Variants in CAMTA1 observed in about 807,000 individuals in gnomAD.
CAMTA1 encodes calmodulin binding transcription activator 1.
A neutral mutation model predicts 170.9 loss-of-function variants in CAMTA1; 27 were observed. The ratio of observed to expected loss-of-function variants is 0.16; its 90% CI spans 0.12 to 0.22. The LOEUF (loss-of-function observed/expected upper bound fraction) is 0.22, where lower values mean the gene tolerates loss of function less well. CAMTA1 is among the 10% of genes least tolerant of loss of function. The probability of loss-of-function intolerance (pLI) is 1.00; values close to 1 mark genes in which losing one functional copy is unlikely to be tolerated. For synonymous variants in CAMTA1, 833 were observed against 891.5 expected (o/e 0.93, Z 1.17); for missense variants, 1,619 against 2,217.2 (o/e 0.73, Z 5.42).
At chr1:7,011,546 C>G (rs1699799285) in intron 3 of CAMTA1, among the ~76,000 whole-genome samples, 1 of 152,156 alleles carries the variant, frequency 6.6e-6, no homozygotes, top group Non-Finnish European at 1.5e-5. Context: ...GGGGGGCCCT[C>G]TCCTCATTCC....
At position 7,455,532 on chromosome 1, in the gene CAMTA1, C is replaced by T. The variant is rs182820930; in HGVS notation, c.439-12298C>T. 5.2e-4 allele frequency among the ~76,000 whole-genome samples: 79 copies of T among 152,340 alleles called. No individual in the cohort carries two copies. The highest frequency in any genetic ancestry group is 1.5e-3 in the African/African-American group (63 of 41,594). On this transcript the variant is annotated intron_variant, in intron 5 of 22. Transcript: ENST00000303635. This position sits in a 1 kb window ranked among gnomAD's most constrained non-coding sequence, Gnocchi z 5.0. ...GCATTAACATAGCCACAGACCGGCC[C>T]GGCGTTTCCCTCCACCTGCTTCATA... is the stretch of plus-strand genomic sequence containing the variant.
chr1:7,425,139 T>C (rs1463053984), intron 5 of CAMTA1, among the ~76,000 whole-genome samples: 1 of 152,168 alleles, frequency 6.6e-6, no homozygotes, highest in African/African-American at 2.4e-5. Flanking sequence ...CTCACTATTC[T>C]CACGTTTGTA....
chr1:7,440,527 A>G (rs890704361), intron 5 of CAMTA1, among the ~76,000 whole-genome samples: 1 of 152,248 alleles, frequency 6.6e-6, no homozygotes, highest in African/African-American at 2.4e-5. Context: ...TCGGTTTCCA[A>G]AATTAGTCTT....
intron 5 of CAMTA1, among the ~76,000 whole-genome samples, chr1:7,366,742 G>A (rs566925729): frequency 1.2e-4 from 18 of 152,224 alleles, no homozygotes; most frequent in East Asian, 5.8e-4. Context: ...GGGCACTGGC[G>A]CCAGCCTTGT....
At position 7,144,445 on chromosome 1, in the gene CAMTA1, C is replaced by G. The variant is rs1373096153; in HGVS notation, c.302+53074C>G. 6.6e-6 allele frequency among the ~76,000 whole-genome samples: 1 copy of G among 152,146 alleles called. No homozygotes were observed. Among genetic ancestry groups the G allele is most frequent in the Non-Finnish European group, 1.5e-5 (1 of 68,030 alleles). ...TCTCCACACAGTCACACTGAGGCCA[C>G]TGAGGGTAAGGGCCTGAACATATGA... On this transcript the variant is annotated intron_variant, in intron 4 of 22. Transcript: ENST00000303635. This position sits in a 1 kb window ranked among gnomAD's most constrained non-coding sequence, Gnocchi z 4.0.
rs529788620 is a variant in CAMTA1, at chr1:7,093,500, A to G, written c.302+2129A>G. 1.4e-4 allele frequency among the ~76,000 whole-genome samples: 21 copies of G among 152,284 alleles called. No individual in the cohort carries two copies. The East Asian group carries it at 4.1e-3, about 29-fold the overall frequency. On this transcript the variant is annotated intron_variant, in intron 4 of 22. Transcript: ENST00000303635. This position sits in a 1 kb window ranked among gnomAD's most constrained non-coding sequence, Gnocchi z 4.6. Reference sequence around the variant, plus strand: ...GAGAAGAGCTCCTCCTTAGCCAGAGAGGGAGCTTCTCTGGAATGCGTCCTG... The same window carrying G: ...GAGAAGAGCTCCTCCTTAGCCAGAGGGGGAGCTTCTCTGGAATGCGTCCTG...
rs143086898 is a variant in CAMTA1, at chr1:7,514,737, T to C, written c.510+46836T>C. On this transcript the variant is annotated intron_variant, in intron 6 of 22. Transcript: ENST00000303635. ...AGACAGTGGGAAGAGAGGAATCCTC[T>C]TCCCACTGGGCAGCCTGGTCCTGGT... Among the ~76,000 whole-genome samples the C allele has an allele frequency of 4.6e-3, 695 of 152,230 alleles. 9 individuals are homozygous for C. The highest frequency in any genetic ancestry group is 0.016 in the African/African-American group (653 of 41,538).
intron 3 of CAMTA1, among the ~76,000 whole-genome samples, chr1:6,883,056 G>A (rs1313800124): frequency 6.6e-6 from 1 of 152,056 alleles, no homozygotes; most frequent in African/African-American, 2.4e-5. Flanking sequence ...ACCATGCCTG[G>A]CCAATTTTTT....
At chr1:7,130,977 C>T (rs1573315367) in intron 4 of CAMTA1, among the ~76,000 whole-genome samples, 2 of 148,686 alleles carry the variant, frequency 1.3e-5, no homozygotes, top group South Asian at 2.1e-4. Flanking sequence ...TTTTTTGAGA[C>T]GGATTCTTAC....
intron 11 of CAMTA1, among the ~76,000 whole-genome samples, chr1:7,721,621 A>C (rs1313764651): frequency 6.6e-6 from 1 of 152,186 alleles, no homozygotes; most frequent in Non-Finnish European, 1.5e-5. Flanking sequence ...AGAACCCTAG[A>C]AACGTAGCCT....
At chr1:7,661,082 G>A (rs1470761144) in intron 7 of CAMTA1, among the ~76,000 whole-genome samples, 3 of 152,238 alleles carry the variant, frequency 2.0e-5, no homozygotes, top group African/African-American at 4.8e-5. Flanking sequence ...TCAGATGGCT[G>A]CCATCAGTCA....
At position 7,218,256 on chromosome 1, in the gene CAMTA1, A is replaced by C. The variant is rs543811681; in HGVS notation, c.303-31235A>C. On this transcript the variant is annotated intron_variant, in intron 4 of 22. Transcript: ENST00000303635. Reference sequence around the variant, plus strand: ...AATGCATCGTTGAGGTTTTTAATTCAGTTTGTAGTGTTATGACACAGTTCC... The same window carrying C: ...AATGCATCGTTGAGGTTTTTAATTCCGTTTGTAGTGTTATGACACAGTTCC... Among the ~76,000 whole-genome samples, 10 of 152,210 alleles carry C rather than the reference A, an allele frequency of 6.6e-5. 1 individual carries two copies. The East Asian group carries it at 1.5e-3, about 23-fold the overall frequency.
chr1:7,573,805 G>T (rs1254935157), intron 6 of CAMTA1, among the ~76,000 whole-genome samples: 2 of 152,072 alleles, frequency 1.3e-5, no homozygotes, highest in Non-Finnish European at 1.5e-5. Context: ...ACAGAGTCTC[G>T]CTCTGTTGCC....
intron 6 of CAMTA1, among the ~76,000 whole-genome samples, chr1:7,528,070 C>T (rs1216932216): frequency 6.6e-6 from 1 of 152,206 alleles, no homozygotes; most frequent in Non-Finnish European, 1.5e-5. Flanking sequence ...TCCCACAGCC[C>T]AGACAAAGGT....
At chr1:6,857,983 T>C (rs1175841019) in intron 3 of CAMTA1, among the ~76,000 whole-genome samples, 1 of 152,192 alleles carries the variant, frequency 6.6e-6, no homozygotes, top group Admixed American at 6.5e-5. Flanking sequence ...CACTGCTGCA[T>C]CTCCAGTTTA....
At chr1:7,316,634 A>T (rs1057112368) in intron 5 of CAMTA1, among the ~76,000 whole-genome samples, 4 of 152,170 alleles carry the variant, frequency 2.6e-5, no homozygotes, top group Admixed American at 2.6e-4. Flanking sequence ...GCAGATGTTT[A>T]TATGCCCAGC....
At chr1:7,415,011 T>G (rs1378076465) in intron 5 of CAMTA1, among the ~76,000 whole-genome samples, 7 of 151,158 alleles carry the variant, frequency 4.6e-5, no homozygotes, top group Non-Finnish European at 8.9e-5. Context: ...TTCATTTCGT[T>G]ATGTACCCAG....
Position 7,673,553 on chromosome 1 carries a change from A to G in CAMTA1, c.2779+2516A>G, listed in dbSNP as rs1226166542. Among the ~76,000 whole-genome samples the G allele has an allele frequency of 6.6e-6, 1 of 152,158 alleles. No individual in the cohort carries two copies. Among genetic ancestry groups the G allele is most frequent in the African/African-American group, 2.4e-5 (1 of 41,446 alleles). On this transcript the variant is annotated intron_variant, in intron 10 of 22. Transcript: ENST00000303635. This position sits in a 1 kb window ranked among gnomAD's most constrained non-coding sequence, Gnocchi z 4.6. ...CTGGGTCCCCAGAGATGGCAGGTAG[A>G]GTCTCTGCCCAGGCCACTCACCCTC... is the stretch of plus-strand genomic sequence containing the variant.
At chr1:6,842,936 AGAAG>A (rs1450842579) in intron 3 of CAMTA1, among the ~76,000 whole-genome samples, 19 of 152,086 alleles carry the variant, frequency 1.2e-4, no homozygotes, top group African/African-American at 4.6e-4. Context: ...AAAAAAAAAA[AGAAG>A]GAAGCAAAAG....
Sources: gnomAD v4.1 joint callset for allele counts (sites outside exome capture counted in the v4.1 genomes callset) on GRCh38, gnomAD v4.1.1 for gene constraint, Gnocchi (gnomAD v3.1) non-coding constraint, MANE v1.5 for transcripts, NCBI Gene and HGNC (gene_info 2026-07-23, HGNC 2026-07-21) for gene names.